Variants in GRIK4 observed in about 807,000 individuals in gnomAD.
GRIK4 encodes glutamate receptor ionotropic, kainate 4.
A neutral mutation model predicts 104.9 loss-of-function variants in GRIK4; 40 were observed. The observed-to-expected ratio is 0.38, with a 90% CI of 0.30 to 0.50. The LOEUF (loss-of-function observed/expected upper bound fraction) is 0.50. GRIK4 is among the 20% of genes least tolerant of loss of function. GRIK4 has a pLI of 0.93. For synonymous variants in GRIK4, 485 were observed against 524.9 expected (o/e 0.92, Z 1.04); for missense variants, 1,047 against 1,308.1 (o/e 0.80, Z 3.08).
At chr11:120,847,618 C>A (rs1424089009) in intron 8 of GRIK4, among the ~76,000 whole-genome samples, 1 of 152,222 alleles carries the variant, frequency 6.6e-6, no homozygotes, top group Non-Finnish European at 1.5e-5. Context: ...AGGCCTTAAC[C>A]AAGGAAGCAG....
intron 1 of GRIK4, among the ~76,000 whole-genome samples, chr11:120,548,540 G>A (rs1320150862): frequency 2.0e-5 from 3 of 152,096 alleles, no homozygotes; most frequent in African/African-American, 7.2e-5. Context: ...AGGCACCTCG[G>A]TCCCCACAGC....
chr11:120,572,486 A>G (rs1370413734), intron 1 of GRIK4, among the ~76,000 whole-genome samples: 1 of 152,052 alleles, frequency 6.6e-6, no homozygotes, highest in East Asian at 1.9e-4. Flanking sequence ...GGGAGTGGAG[A>G]GAGAGCATGC....
chr11:120,862,144 C>T (rs1276638099), intron 9 of GRIK4, 24 bp downstream of exon 9: 1 of 1,607,856 alleles, frequency 6.2e-7, no homozygotes, highest in East Asian at 2.2e-5. Flanking sequence ...AGAGCTCTTC[C>T]TGGTGCCCCT....
In GRIK4 at chr11:120,529,574, C is replaced by T. The variant is rs117692796; in HGVS notation, c.-159+17687C>T. On this transcript the variant is annotated intron_variant, in intron 1 of 20. Transcript: ENST00000527524. The stretch of plus-strand genomic sequence containing the variant: ...TCTTAGATGTCCTTGGATAGTCACA[C>T]ATGTAAGTTCCCTGTCGGGAGTGGT... Among the ~76,000 whole-genome samples the T allele has an allele frequency of 3.3e-4, 50 of 152,344 alleles. 1 individual carries two copies. In the East Asian group the frequency reaches 9.6e-3, roughly 29 times the overall value.
intron 20 of GRIK4, among the ~76,000 whole-genome samples, chr11:120,984,820 CTTTTTTT>C (rs569201252): frequency 8.6e-6 from 1 of 115,810 alleles, no homozygotes; most frequent in African/African-American, 3.3e-5. Flanking sequence ...CATCTATATT[CTTTTTTT>C]TTTTTTTTTT....
chr11:120,798,063 G>A (rs1181561968), intron 3 of GRIK4, among the ~76,000 whole-genome samples: 12 of 151,540 alleles, frequency 7.9e-5, no homozygotes, highest in African/African-American at 2.2e-4. Flanking sequence ...CAGGCAATTC[G>A]CTTCCTGTTA....
chr11:120,821,567 C>T (rs760148023), intron 6 of GRIK4, among the ~76,000 whole-genome samples: 1 of 152,216 alleles, frequency 6.6e-6, no homozygotes, highest in Non-Finnish European at 1.5e-5. Flanking sequence ...AGGCAGTTCT[C>T]ATCATGGGTG....
At chr11:120,783,247 G>C (rs1402064811) in intron 3 of GRIK4, among the ~76,000 whole-genome samples, 1 of 152,204 alleles carries the variant, frequency 6.6e-6, no homozygotes, top group Non-Finnish European at 1.5e-5. Context: ...TTTGGCCACA[G>C]AGTGGGAAGA....
chr11:120,840,967 C>A (rs569702970), intron 8 of GRIK4, among the ~76,000 whole-genome samples: 1 of 152,270 alleles, frequency 6.6e-6, no homozygotes, highest in East Asian at 1.9e-4. Context: ...CTAGGTGCCT[C>A]ATAGAAGTGG....
chr11:120,641,139 A>G (rs1267637230), intron 1 of GRIK4, among the ~76,000 whole-genome samples: 1 of 152,262 alleles, frequency 6.6e-6, no homozygotes, highest in Non-Finnish European at 1.5e-5. Flanking sequence ...AACATCTCAG[A>G]GTTGCAAATA....
intron 8 of GRIK4, among the ~76,000 whole-genome samples, chr11:120,860,070 C>A (rs2135627007): frequency 6.6e-6 from 1 of 152,352 alleles, no homozygotes; most frequent in South Asian, 2.1e-4. Flanking sequence ...GGAAAGCAAT[C>A]TTTCTTCCTG....
chr11:120,936,897 T>G (rs1213018291), intron 13 of GRIK4, among the ~76,000 whole-genome samples: 2 of 151,642 alleles, frequency 1.3e-5, no homozygotes, highest in African/African-American at 4.9e-5. Context: ...AGGGCTTGGA[T>G]GAGTTGTCAT....
chr11:120,881,774 C>G lies in GRIK4; in HGVS notation c.1164+6531C>G, dbSNP rs1398267497. ...AGCCCACACAGAGGCAGCTCTGCCC[C>G]CTTTCCGGGGGAGTTGGGATCCTCC... On this transcript the variant is annotated intron_variant, in intron 11 of 20. Coordinates refer to ENST00000527524, the MANE Select transcript of GRIK4 (RefSeq NM_014619.5). 2.0e-5 allele frequency among the ~76,000 whole-genome samples: 3 copies of G among 152,196 alleles called. No individual in the cohort carries two copies. The East Asian group carries it at 5.8e-4, about 29-fold the overall frequency.
At chr11:120,654,199 G>T (rs547412808) in intron 2 of GRIK4, among the ~76,000 whole-genome samples, 1 of 152,302 alleles carries the variant, frequency 6.6e-6, no homozygotes, top group Admixed American at 6.5e-5. Context: ...CATATGGTTA[G>T]ACACATACTT....
chr11:120,906,733 G>A (rs1289678197), intron 13 of GRIK4, among the ~76,000 whole-genome samples: 1 of 152,208 alleles, frequency 6.6e-6, no homozygotes, highest in African/African-American at 2.4e-5. Context: ...TGTGGAAAAG[G>A]TGTTTAAGAA....
At chr11:120,800,242 T>C (rs1018091317) in intron 3 of GRIK4, among the ~76,000 whole-genome samples, 4 of 152,154 alleles carry the variant, frequency 2.6e-5, no homozygotes, top group Non-Finnish European at 5.9e-5. Context: ...GGTGGAATTG[T>C]GATGGTGGGA....
At chr11:120,736,505 T>G (rs890984738) in intron 3 of GRIK4, among the ~76,000 whole-genome samples, 3 of 152,184 alleles carry the variant, frequency 2.0e-5, no homozygotes, top group Non-Finnish European at 2.9e-5. Flanking sequence ...TAAGACATTT[T>G]ACACTGTTTT....
intron 1 of GRIK4, among the ~76,000 whole-genome samples, chr11:120,537,735 A>C (rs983452147): frequency 6.6e-6 from 1 of 152,198 alleles, no homozygotes; most frequent in African/African-American, 2.4e-5. Flanking sequence ...CTACAGCTTC[A>C]GTCTTGGCCC....
At chr11:120,685,118 G>A (rs1370268968) in intron 3 of GRIK4, among the ~76,000 whole-genome samples, 1 of 152,212 alleles carries the variant, frequency 6.6e-6, no homozygotes, top group Admixed American at 6.5e-5. Flanking sequence ...GTGGAAAGGA[G>A]CTTGGAGCTT....
Sources: gnomAD v4.1 joint callset for allele counts (sites outside exome capture counted in the v4.1 genomes callset) on GRCh38, gnomAD v4.1.1 for gene constraint, MANE v1.5 for transcripts, NCBI Gene and HGNC (gene_info 2026-07-23, HGNC 2026-07-21) for gene names.